Variants in SCN2A observed in about 807,000 individuals in gnomAD.
SCN2A encodes sodium channel protein type 2 subunit alpha.
SCN2A carries 20 observed loss-of-function variants against 188.7 expected under a neutral mutation model. The ratio of observed to expected loss-of-function variants is 0.11; its 90% confidence interval spans 0.07 to 0.15. The LOEUF (loss-of-function observed/expected upper bound fraction) is 0.15, where lower values mean the gene tolerates loss of function less well. SCN2A is among the 10% of genes least tolerant of loss of function. The probability of loss-of-function intolerance (pLI) is 1.00; values close to 1 mark genes in which losing one functional copy is unlikely to be tolerated. For missense variants in SCN2A, 1,278 were observed against 2,445.0 expected (o/e 0.52, Z 10.07); for synonymous variants, 804 against 833.1 (o/e 0.97, Z 0.60).
In SCN2A at chr2:165,331,548, G is replaced by T; in HGVS notation, c.2368G>T (p.Val790Leu). 1 of 1,613,360 alleles carries T rather than the reference G, an allele frequency of 6.2e-7. No individual in the cohort carries two copies. Residue 790 changes from valine (V) to leucine (L), a missense_variant, in exon 14 of 27, where the codon GTA becomes TTA. Around this residue, in one of 17 missense-constraint regions of SCN2A, gnomAD observed 83 missense variants for 256.8 expected, o/e 0.32. Coordinates refer to ENST00000375437, the MANE Select transcript of SCN2A (RefSeq NM_001040142.2). ...HYPMTEQFSSVLSVGNLVFTG... is the reference protein window; with the variant it reads ...HYPMTEQFSSLLSVGNLVFTG... ...TCCCATGACGGAGCAGTTCAGCAGT[G>T]TACTGTCTGTTGGAAACCTGGTAAG... is the stretch of plus-strand genomic sequence containing the variant.
intron 1 of SCN2A, among the ~76,000 whole-genome samples, chr2:165,276,353 A>G (rs1050638173): frequency 1.3e-5 from 2 of 152,160 alleles, no homozygotes; most frequent in Non-Finnish European, 2.9e-5. Flanking sequence ...ATTGGGCCAT[A>G]GTACTTTTGT....
chr2:165,351,327 A>G (rs1193540022), intron 16 of SCN2A, among the ~76,000 whole-genome samples: 40 of 152,216 alleles, frequency 2.6e-4, no homozygotes, highest in Admixed American at 2.6e-3. Context: ...TTTATGAGAA[A>G]GAAAAGTCAT....
intron 1 of SCN2A, among the ~76,000 whole-genome samples, chr2:165,261,616 T>G (rs1044437780): frequency 6.6e-6 from 1 of 152,230 alleles, no homozygotes; most frequent in Non-Finnish European, 1.5e-5. Flanking sequence ...ACCAATGAGT[T>G]GAGATCAATT....
Position 165,245,335 on chromosome 2 carries a change from T to G in SCN2A, c.-52+5695T>G, listed in dbSNP as rs148509858. 5 of 152,272 alleles carry G rather than the reference T, an allele frequency of 3.3e-5. No homozygotes were observed. The East Asian group carries it at 9.7e-4, about 29-fold the overall frequency. 9.4% of individuals were successfully genotyped at this position (152,272 alleles called of 1,614,324 possible). ...TCGATCTGATGGTTTTATAGGGGTT[T>G]TTCTCCCTTTGCTTGACACTTCTCT... On this transcript the variant is annotated intron_variant, in intron 1 of 26. Coordinates refer to ENST00000375437, the MANE Select transcript of SCN2A (RefSeq NM_001040142.2).
intron 14 of SCN2A, among the ~76,000 whole-genome samples, chr2:165,339,560 A>G (rs1699197280): frequency 6.6e-6 from 1 of 151,986 alleles, no homozygotes; most frequent in African/African-American, 2.4e-5. Flanking sequence ...TATTTACCAT[A>G]ATATCAAAAA....
At chr2:165,356,738 G>A (rs375120031) in intron 17 of SCN2A, among the ~76,000 whole-genome samples, 5 of 152,136 alleles carry the variant, frequency 3.3e-5, no homozygotes, top group East Asian at 1.9e-4. Flanking sequence ...TTTTACAGCC[G>A]TGGGTTTTCC....
chr2:165,282,958 A>G (rs1695647439), intron 1 of SCN2A, among the ~76,000 whole-genome samples: 1 of 152,196 alleles, frequency 6.6e-6, no homozygotes, highest in South Asian at 2.1e-4. Context: ...CACCTGAGGA[A>G]CTTGACATTA....
chr2:165,380,917 T>C (rs1701569738), intron 24 of SCN2A, 176 bp from the exon 25 acceptor site: 1 of 689,908 alleles, frequency 1.4e-6, no homozygotes, highest in African/African-American at 1.8e-5. Context: ...ATATTTTTAG[T>C]CTAGAAATAT....
intron 3 of SCN2A, among the ~76,000 whole-genome samples, chr2:165,298,842 G>C (rs753840838): frequency 2.0e-5 from 3 of 151,862 alleles, no homozygotes; most frequent in Non-Finnish European, 4.4e-5. Context: ...TTCTAGCCTA[G>C]AACTAGACTT....
chr2:165,245,935 T>A (rs150614137), intron 1 of SCN2A, among the ~76,000 whole-genome samples: 177 of 152,330 alleles, frequency 1.2e-3, no homozygotes, highest in African/African-American at 3.8e-3. Flanking sequence ...CTGGCCTTGA[T>A]AAATCCATCA....
At chr2:165,250,379 G>A (rs1366257655) in intron 1 of SCN2A, among the ~76,000 whole-genome samples, 1 of 151,852 alleles carries the variant, frequency 6.6e-6, no homozygotes, top group Non-Finnish European at 1.5e-5. Context: ...GTTTGTTTGA[G>A]TAGACTTTAT....
chr2:165,359,059 G>A (rs555597045), intron 17 of SCN2A, among the ~76,000 whole-genome samples: 10 of 152,186 alleles, frequency 6.6e-5, no homozygotes, highest in South Asian at 2.1e-4. Context: ...ATATAAAAGT[G>A]TAGTTGGCTA....
chr2:165,242,876 T>C lies in SCN2A; in HGVS notation c.-52+3236T>C, dbSNP rs558407210. 2.2e-4 allele frequency among the ~76,000 whole-genome samples: 33 copies of C among 152,322 alleles called. 1 individual carries two copies. The South Asian group carries it at 6.8e-3, about 32-fold the overall frequency. On this transcript the variant is annotated intron_variant, in intron 1 of 26. Coordinates refer to ENST00000375437, the MANE Select transcript of SCN2A (RefSeq NM_001040142.2). ...TGAGCAAAGCTGGTGTAACTCACTT[T>C]GGGTGGCCTGTTTTTCGAAATTAAA...
In SCN2A at chr2:165,295,601, T is replaced by C. The variant is rs353126; in HGVS notation, c.-51-172T>C. 0.97 allele frequency among the ~76,000 whole-genome samples: 147,368 copies of C among 152,334 alleles called. 71,295 individuals are homozygous for C. The highest frequency in any genetic ancestry group is 1 in the Middle Eastern group (294 of 294). On this transcript the variant is annotated intron_variant, in intron 1 of 26. Transcript: ENST00000375437. Reference sequence around the variant, plus strand: ...TGAATGTGAGAGATAGATCTCCATGTGAGCAAATGGATGCACATATGAGAT... The same window carrying C: ...TGAATGTGAGAGATAGATCTCCATGCGAGCAAATGGATGCACATATGAGAT...
intron 25 of SCN2A, among the ~76,000 whole-genome samples, 196 bp downstream of exon 25, chr2:165,381,393 A>C (rs756073033): frequency 6.6e-6 from 1 of 151,856 alleles, no homozygotes; most frequent in Admixed American, 6.6e-5. Context: ...AATGCATAAC[A>C]TATTTTATAT....
chr2:165,287,956 ATGTTCATTTTCTT>A (rs1559338021), intron 1 of SCN2A, among the ~76,000 whole-genome samples: 1 of 152,230 alleles, frequency 6.6e-6, no homozygotes, highest in Non-Finnish European at 1.5e-5. Flanking sequence ...GTGTTGCTAA[ATGTTCATTTTCTT>A]TTACAGAAAA....
At chr2:165,296,400 A>AT in intron 2 of SCN2A, 1 of 331,630 alleles carries the variant, frequency 3.0e-6, no homozygotes, top group African/African-American at 2.1e-5. Flanking sequence ...ATTGACCCTG[A>AT]TTCCCTAATA....
At chr2:165,372,153 T>C (rs879346655) in intron 20 of SCN2A, 4 of 152,176 alleles carry the variant, frequency 2.6e-5, no homozygotes, top group Non-Finnish European at 2.9e-5. Context: ...TCAGTAACTA[T>C]TTTTCAATTA....
intron 1 of SCN2A, among the ~76,000 whole-genome samples, chr2:165,263,428 G>A (rs1407695461): frequency 6.6e-6 from 1 of 152,120 alleles, no homozygotes; most frequent in East Asian, 1.9e-4. Context: ...TGAGGATCCA[G>A]TTTCATTCTC....
Sources: allele counts gnomAD v4.1 joint callset (sites outside exome capture counted in the v4.1 genomes callset), GRCh38; gene constraint gnomAD v4.1.1; regional missense constraint gnomAD v4.1.1; transcripts MANE v1.5; gene names NCBI Gene and HGNC (gene_info 2026-07-23, HGNC 2026-07-21).